The following NFASC variants were observed in gnomAD, a reference collection of about 807,000 sequenced individuals.
NFASC encodes the protein neurofascin homolog.
In NFASC, 43 loss-of-function variants were observed where a neutral mutation model predicts 147.5. That is an observed-to-expected ratio of 0.29 (90% CI 0.23 to 0.38). The LOEUF is 0.38. Ranked by LOEUF, NFASC falls within the 10% of genes least tolerant of loss-of-function variation. NFASC has a pLI of 1.00. For missense variants in NFASC, 1,320 were observed against 1,689.0 expected, an observed-to-expected ratio of 0.78 and a Z score of 3.83; for synonymous variants, 622 against 665.5, an observed-to-expected ratio of 0.93 and a Z score of 1.01.
intron 21 of NFASC, chr1:204,984,217 T>C: frequency 1.1e-6 from 1 of 950,896 alleles, no homozygotes; most frequent in South Asian, 1.3e-5. Context: ...ATGCGGGCTA[T>C]AAGATATTTG....
chr1:204,915,552 C>T (rs1204632704), intron 1 of NFASC, among the ~76,000 whole-genome samples: 5 of 152,134 alleles, frequency 3.3e-5, no homozygotes, highest in Admixed American at 1.3e-4. Flanking sequence ...GTTCTAGGCT[C>T]ATCTCAAAAG....
chr1:204,849,048 T>TCA (rs1418858675), intron 1 of NFASC, among the ~76,000 whole-genome samples: 1 of 152,248 alleles, frequency 6.6e-6, no homozygotes, highest in Non-Finnish European at 1.5e-5. Context: ...TTCTGTGTGC[T>TCA]CACACACCTC....
chr1:204,954,429 A>G lies in NFASC; in HGVS notation c.412+45A>G. 1.9e-6 allele frequency: 3 copies of G among 1,578,592 alleles called. No homozygotes were observed. The highest frequency in any genetic ancestry group is 2.6e-6 in the Non-Finnish European group (3 of 1,155,438). On this transcript the variant is annotated intron_variant, in intron 6 of 29. Transcript: ENST00000339876. The surrounding 1 kb of genome is among the most constrained non-coding windows in gnomAD (Gnocchi z 5.7). ...GCTGAAATGCCCTGCTCCTGGGTAA[A>G]TGGAGAGTGGGGGGTGTGGAAGGCC...
intron 2 of NFASC, among the ~76,000 whole-genome samples, chr1:204,924,082 C>T (rs1051682311): frequency 2.0e-5 from 3 of 152,202 alleles, no homozygotes; most frequent in East Asian, 1.9e-4. Flanking sequence ...CACTTGCAGC[C>T]GCCAGCGCTT....
intron 20 of NFASC, among the ~76,000 whole-genome samples, chr1:204,980,836 T>C (rs1206979710): frequency 6.6e-6 from 1 of 152,022 alleles, no homozygotes; most frequent in Non-Finnish European, 1.5e-5. Flanking sequence ...TCACTGGAGA[T>C]TTGTGGGAGC....
chr1:204,969,233 C>A (rs1424580048), intron 10 of NFASC, among the ~76,000 whole-genome samples: 1 of 152,154 alleles, frequency 6.6e-6, no homozygotes, highest in Non-Finnish European at 1.5e-5. Context: ...GGTGCCAGCG[C>A]TCCCTCAGCG....
At chr1:204,831,948 A>T (rs527925860) in intron 1 of NFASC, among the ~76,000 whole-genome samples, 1 of 152,306 alleles carries the variant, frequency 6.6e-6, no homozygotes, top group East Asian at 1.9e-4. Flanking sequence ...GATGTTACAC[A>T]GCGGGATCTT....
intron 1 of NFASC, among the ~76,000 whole-genome samples, chr1:204,890,001 G>C (rs749218653): frequency 6.6e-6 from 1 of 152,126 alleles, no homozygotes; most frequent in African/African-American, 2.4e-5. Context: ...TTATTTCCTC[G>C]GGGCTGTAAC....
intron 1 of NFASC, among the ~76,000 whole-genome samples, chr1:204,886,523 A>G (rs1288072633): frequency 6.6e-6 from 1 of 152,194 alleles, no homozygotes; most frequent in Non-Finnish European, 1.5e-5. Context: ...CAGCTTGTTC[A>G]AACCTAGACT....
intron 1 of NFASC, among the ~76,000 whole-genome samples, chr1:204,875,913 C>G (rs1011565991): frequency 3.9e-5 from 6 of 152,088 alleles, no homozygotes; most frequent in African/African-American, 1.4e-4. Context: ...TTGACTGACT[C>G]TGAAATTCCA....
At chr1:204,881,071 T>C (rs2080109981) in intron 1 of NFASC, among the ~76,000 whole-genome samples, 1 of 152,166 alleles carries the variant, frequency 6.6e-6, no homozygotes, top group Non-Finnish European at 1.5e-5. Context: ...CAACTGAGGC[T>C]CCCCTGGGGC....
chr1:204,830,835 C>T (rs1206637795), intron 1 of NFASC, among the ~76,000 whole-genome samples: 1 of 152,230 alleles, frequency 6.6e-6, no homozygotes, highest in Non-Finnish European at 1.5e-5. Flanking sequence ...CAGACAGACT[C>T]TGTCCCTTCT....
In NFASC at chr1:204,944,275, C is replaced by T; in HGVS notation, c.-41C>T. 6.2e-7 allele frequency: 1 copy of T among 1,605,452 alleles called. No individual in the cohort carries two copies. Among genetic ancestry groups the T allele is most frequent in the African/African-American group, 1.3e-5 (1 of 74,832 alleles). ...TTAAAGCGGCTCGAGGTGACAAGAC[C>T]CCGAGTGCTGGGGAGCAGGGAGCAG... On this transcript the variant is annotated 5_prime_UTR_variant, in exon 3 of 30. Coordinates refer to ENST00000339876, the MANE Select transcript of NFASC (RefSeq NM_001005388.3).
chr1:204,866,452 C>T (rs2077119173), intron 1 of NFASC, among the ~76,000 whole-genome samples: 2 of 152,208 alleles, frequency 1.3e-5, no homozygotes, highest in African/African-American at 4.8e-5. Flanking sequence ...AATTAAGAAG[C>T]TGGCAGACCT....
chr1:204,970,855 A>G, intron 11 of NFASC, 108 bp downstream of exon 11: 1 of 1,393,162 alleles, frequency 7.2e-7, no homozygotes, highest in Non-Finnish European at 1.0e-6. Flanking sequence ...TCAGGAAGAG[A>G]GAAGCCCACT....
intron 1 of NFASC, among the ~76,000 whole-genome samples, chr1:204,889,431 T>C (rs2081958619): frequency 6.6e-6 from 1 of 152,228 alleles, no homozygotes; most frequent in African/African-American, 2.4e-5. Flanking sequence ...CTTTTGGTGA[T>C]AGTACAAGTG....
chr1:204,948,677 C>T (rs376933049), intron 3 of NFASC: 236 of 519,014 alleles, frequency 4.5e-4, no homozygotes, highest in Non-Finnish European at 7.7e-4. Context: ...TGATCTTGGC[C>T]GAGAGACTTC....
rs371489684 is a variant in NFASC, at chr1:204,988,745, C to T, written c.2706C>T (p.Ala902=). The change falls in exon 23 of 30, where the codon GCC becomes GCT. Residue 902 remains alanine (A), a synonymous_variant. Coordinates refer to ENST00000339876, the MANE Select transcript of NFASC (RefSeq NM_001005388.3). ...CACGCTACCGCTTTACCCTCAGCGC[C>T]AGGACGCAGGTGGGCTCTGGGGAAG... ...PVSRYRFTLS[A]RTQVGSGEAV... The T allele has an allele frequency of 1.2e-6, 2 of 1,614,126 alleles. No individual in the cohort carries two copies. Among genetic ancestry groups the T allele is most frequent in the Non-Finnish European group, 8.5e-7 (1 of 1,180,062 alleles).
intron 2 of NFASC, among the ~76,000 whole-genome samples, chr1:204,939,514 G>T (rs565976590): frequency 2.6e-5 from 4 of 152,228 alleles, no homozygotes; most frequent in Admixed American, 1.3e-4. Flanking sequence ...TCTTCTTCAG[G>T]CTCAACCTAC....
Sources: gnomAD v4.1 joint callset for allele counts (sites outside exome capture counted in the v4.1 genomes callset) on GRCh38, gnomAD v4.1.1 for gene constraint, Gnocchi (gnomAD v3.1) non-coding constraint, MANE v1.5 for transcripts, NCBI Gene and HGNC (gene_info 2026-07-23, HGNC 2026-07-21) for gene names.